Variants in PDE4D observed in about 807,000 individuals in gnomAD.
PDE4D encodes the protein 3',5'-cyclic-AMP phosphodiesterase 4D.
Under a neutral mutation model 87.4 loss-of-function variants are expected in PDE4D, and 24 were observed. The ratio of observed to expected loss-of-function variants is 0.27; its 90% confidence interval spans 0.20 to 0.39. PDE4D has a LOEUF of 0.39. PDE4D is among the 10% of genes least tolerant of loss of function. The probability of loss-of-function intolerance (pLI) is 1.00; values close to 1 mark genes in which losing one functional copy is unlikely to be tolerated. For missense variants in PDE4D, 714 were observed against 1,041.0 expected (o/e 0.69, Z 4.32); for synonymous variants, 384 against 383.2 (o/e 1.00, Z -0.02).
chr5:58,975,059 C>A lies in PDE4D; in HGVS notation c.2035G>T (p.Val679Phe). The A allele has an allele frequency of 6.5e-7, 1 of 1,543,564 alleles. No homozygotes were observed. ...KSQVGFIDYI[V>F]HPLWETWADL... ...GCCCATGTCTCCCAGAGGGGATGAA[C>A]AATATAGTCTATGAAGCCCACCTAG... Residue 679 changes from valine to phenylalanine, a missense_variant, in exon 15 of 15, where the codon GTT becomes TTT. Around this residue, in one of 7 missense-constraint regions of PDE4D, gnomAD observed 97 missense variants for 176.9 expected, o/e 0.55. Coordinates refer to ENST00000340635, the MANE Select transcript of PDE4D (RefSeq NM_001104631.2). This position sits in a 1 kb window ranked among gnomAD's most constrained non-coding sequence, Gnocchi z 4.2.
At chr5:59,362,072 C>A (rs1299914928) in intron 1 of PDE4D, among the ~76,000 whole-genome samples, 1 of 152,120 alleles carries the variant, frequency 6.6e-6, no homozygotes, top group East Asian at 1.9e-4. Context: ...CCTGACCTTG[C>A]TGAGTTTCAG....
chr5:60,119,113 G>A (rs780870586), intron 2 of PDE4D, among the ~76,000 whole-genome samples: 1 of 152,132 alleles, frequency 6.6e-6, no homozygotes, highest in Non-Finnish European at 1.5e-5. Context: ...AAACCTTGTT[G>A]GTCTGCCCTT....
rs368849147 is a variant in PDE4D, at chr5:60,398,923, T to C, written c.-90+89019A>G. Among the ~76,000 whole-genome samples the C allele has an allele frequency of 2.0e-5, 3 of 152,192 alleles. No individual in the cohort carries two copies. In the South Asian group the frequency reaches 6.2e-4, roughly 32 times the overall value. Reference sequence around the variant, plus strand: ...TCCAACCCCAACACCCTGTTTGTAATCACTAAACTCTACTTCCTCATGTTA... The same window carrying C: ...TCCAACCCCAACACCCTGTTTGTAACCACTAAACTCTACTTCCTCATGTTA... On this transcript the variant is annotated intron_variant, in intron 1 of 16. Transcript: ENST00000502484.
At chr5:59,673,175 A>G (rs900289864) in intron 1 of PDE4D, among the ~76,000 whole-genome samples, 1 of 152,114 alleles carries the variant, frequency 6.6e-6, no homozygotes, top group Middle Eastern at 3.2e-3. Context: ...CCTTTTTTTG[A>G]TGGAACAGTA....
intron 1 of PDE4D, among the ~76,000 whole-genome samples, chr5:59,339,033 T>C (rs1462408589): frequency 1.3e-5 from 2 of 152,230 alleles, no homozygotes; most frequent in Admixed American, 1.3e-4. Flanking sequence ...TTATTTATCT[T>C]GTCATTACTT....
At chr5:58,990,116 G>A (rs1747531861) in intron 9 of PDE4D, among the ~76,000 whole-genome samples, 197 bp from the exon 10 acceptor site, 1 of 152,090 alleles carries the variant, frequency 6.6e-6, no homozygotes, top group Non-Finnish European at 1.5e-5. Context: ...ACCAGAGTTG[G>A]GTTGTCCTGC....
chr5:59,141,434 T>C (rs1241806633), intron 5 of PDE4D, among the ~76,000 whole-genome samples: 1 of 152,198 alleles, frequency 6.6e-6, no homozygotes, highest in Admixed American at 6.5e-5. Context: ...GTTAAGACTA[T>C]GGACAATTTC....
At chr5:60,473,434 A>G (rs1165424388) in intron 1 of PDE4D, among the ~76,000 whole-genome samples, 1 of 152,158 alleles carries the variant, frequency 6.6e-6, no homozygotes, top group Non-Finnish European at 1.5e-5. Context: ...TTACTTTCAA[A>G]TGGTTTAGAA....
At chr5:59,726,389 C>T (rs1433898771) in intron 1 of PDE4D, among the ~76,000 whole-genome samples, 1 of 151,982 alleles carries the variant, frequency 6.6e-6, no homozygotes, top group Non-Finnish European at 1.5e-5. Context: ...TAATAGTATT[C>T]GGAGATGGGT....
At chr5:59,844,529 A>T (rs1204094764) in intron 1 of PDE4D, among the ~76,000 whole-genome samples, 1 of 152,090 alleles carries the variant, frequency 6.6e-6, no homozygotes, top group Non-Finnish European at 1.5e-5. Flanking sequence ...GCAGTGCATG[A>T]TCTGGCCAGG....
intron 6 of PDE4D, among the ~76,000 whole-genome samples, chr5:58,993,810 C>T (rs1449437457): frequency 6.6e-6 from 1 of 152,042 alleles, no homozygotes; most frequent in East Asian, 1.9e-4. Context: ...TTTAGACTCC[C>T]AAGGGCTGAA....
chr5:59,211,102 C>A (rs996995838), intron 2 of PDE4D, among the ~76,000 whole-genome samples: 1 of 152,072 alleles, frequency 6.6e-6, no homozygotes, highest in Non-Finnish European at 1.5e-5. Context: ...CTTGGGCAAC[C>A]AGCCTTTTGT....
chr5:59,179,605 C>T (rs937300074), intron 5 of PDE4D: 4 of 423,158 alleles, frequency 9.5e-6, no homozygotes, highest in African/African-American at 2.1e-5. Flanking sequence ...AGAATCAACT[C>T]TAATGTGGTG....
At chr5:59,286,313 T>A (rs1766949802) in intron 1 of PDE4D, among the ~76,000 whole-genome samples, 1 of 152,196 alleles carries the variant, frequency 6.6e-6, no homozygotes, top group African/African-American at 2.4e-5. Flanking sequence ...GTACTATTAT[T>A]TCTTCCACCA....
At chr5:59,605,452 T>G (rs1366072962) in intron 1 of PDE4D, among the ~76,000 whole-genome samples, 1 of 152,100 alleles carries the variant, frequency 6.6e-6, no homozygotes, top group Non-Finnish European at 1.5e-5. Flanking sequence ...TCTCTCTTTC[T>G]TCTTTTATTC....
At chr5:60,293,631 C>A (rs796578560) in intron 1 of PDE4D, among the ~76,000 whole-genome samples, 4 of 152,190 alleles carry the variant, frequency 2.6e-5, no homozygotes, top group African/African-American at 7.2e-5. Context: ...AGAGGCTAAC[C>A]TTTTTCCCTT....
At chr5:59,222,324 A>G (rs1752732745) in intron 1 of PDE4D, among the ~76,000 whole-genome samples, 1 of 151,986 alleles carries the variant, frequency 6.6e-6, no homozygotes, top group Admixed American at 6.6e-5. Context: ...CCTAGTTTAA[A>G]CTTTTCCCAA....
At chr5:60,434,819 C>T (rs533035680) in intron 1 of PDE4D, among the ~76,000 whole-genome samples, 1 of 152,216 alleles carries the variant, frequency 6.6e-6, no homozygotes, top group East Asian at 1.9e-4. Flanking sequence ...TTTCCTCTCT[C>T]TCCCTTGCTC....
intron 1 of PDE4D, among the ~76,000 whole-genome samples, chr5:59,760,026 G>A (rs1761779854): frequency 6.6e-6 from 1 of 152,160 alleles, no homozygotes; most frequent in Non-Finnish European, 1.5e-5. Context: ...GTTTGTGTGT[G>A]TATATGTGTA....
Sources: allele counts gnomAD v4.1 joint callset (sites outside exome capture counted in the v4.1 genomes callset), GRCh38; gene constraint gnomAD v4.1.1; regional missense constraint gnomAD v4.1.1; non-coding constraint Gnocchi (gnomAD v3.1); transcripts MANE v1.5; gene names NCBI Gene and HGNC (gene_info 2026-07-23, HGNC 2026-07-21).